The following RAB19 variants were observed in gnomAD, a reference collection of about 807,000 sequenced individuals.
RAB19 encodes the protein ras-related protein Rab-19.
Under a neutral mutation model 17.3 loss-of-function variants are expected in RAB19, and 21 were observed. The observed-to-expected ratio is 1.21, with a 90% confidence interval of 0.86 to 1.74. The LOEUF is 1.74. Among genes scored for constraint, RAB19 ranks in the 40% most tolerant of loss-of-function variants. The pLI, the probability that RAB19 is intolerant of heterozygous loss-of-function variation, is 0.00. For missense variants in RAB19, 277 were observed against 286.8 expected (o/e 0.97, Z 0.25); for synonymous variants, 126 against 110.4 (o/e 1.14, Z -0.88).
At chr7:140,412,593 C>T (rs975279907) in intron 3 of RAB19, among the ~76,000 whole-genome samples, 1 of 151,154 alleles carries the variant, frequency 6.6e-6, no homozygotes, top group Non-Finnish European at 1.5e-5. Context: ...GTCTCGAACT[C>T]CTGGGCTGAA....
At chr7:140,406,346 C>A (rs552261105) in intron 1 of RAB19, among the ~76,000 whole-genome samples, 2 of 150,342 alleles carry the variant, frequency 1.3e-5, no homozygotes, top group Non-Finnish European at 3.0e-5. Context: ...TCATTAGAAA[C>A]CTTAATTTTC....
intron 2 of RAB19, among the ~76,000 whole-genome samples, chr7:140,409,355 C>A (rs1396905606): frequency 6.6e-6 from 1 of 151,500 alleles, no homozygotes; most frequent in African/African-American, 2.4e-5. Context: ...CAGAGTGAGA[C>A]TCTGTCTCAA....
intron 2 of RAB19, among the ~76,000 whole-genome samples, chr7:140,408,634 C>T (rs1228391572): frequency 6.6e-6 from 1 of 152,062 alleles, no homozygotes; most frequent in African/African-American, 2.4e-5. Flanking sequence ...CACCACCACA[C>T]CGGGCTAAGT....
At chr7:140,422,827 G>A (rs567099095) in intron 3 of RAB19, among the ~76,000 whole-genome samples, 25 of 152,190 alleles carry the variant, frequency 1.6e-4, no homozygotes, top group African/African-American at 5.8e-4. Flanking sequence ...ATAAATAAAG[G>A]CCAGGCACCG....
intron 3 of RAB19, among the ~76,000 whole-genome samples, chr7:140,414,326 G>A (rs1251053040): frequency 6.6e-6 from 1 of 152,070 alleles, no homozygotes; most frequent in Non-Finnish European, 1.5e-5. Context: ...ACAGGCATGA[G>A]CCACCACCCC....
rs529487725 is a variant in RAB19 at position 140,426,087 on chromosome 7, C to G, written c.591C>G (p.Pro197=). Residue 197 remains proline, a synonymous_variant, in exon 4 of 4, where the codon CCC becomes CCG. Transcript: ENST00000537763. ...LYGESALNGL[P]LDSSPVLMAQ... ...GGGAGAGTGCCCTGAACGGCCTCCCCCTGGACTCCAGCCCCGTTCTTATGG... is the reference window on the plus strand; with the variant it reads ...GGGAGAGTGCCCTGAACGGCCTCCCGCTGGACTCCAGCCCCGTTCTTATGG... 46 of 1,614,186 alleles carry G rather than the reference C, an allele frequency of 2.8e-5. No individual in the cohort carries two copies. The Admixed American group carries it at 4.3e-4, about 15-fold the overall frequency.
At position 140,424,649 on chromosome 7, in the gene RAB19, GTATA is replaced by G. The variant is rs1229887166; in HGVS notation, c.386-1229_386-1226del. ...TATATATATATATATATGTGTGTGT[GTATA>G]TATGTGTGTGTATATATATATATAT... On this transcript the variant is annotated intron_variant, in intron 3 of 3. Transcript: ENST00000537763. Among the ~76,000 whole-genome samples, 7 of 125,238 alleles carry G rather than the reference GTATA, an allele frequency of 5.6e-5. 1 individual carries two copies. The highest frequency in any genetic ancestry group is 1.8e-4 in the African/African-American group (5 of 27,880). The allele number at this position is 125,238 out of a possible 152,430, so 82.2% of individuals were successfully genotyped here.
At chr7:140,416,787 G>A (rs59583317) in intron 3 of RAB19, among the ~76,000 whole-genome samples, 15,125 of 152,072 alleles carry the variant, frequency 0.099, 1,154 homozygotes, top group East Asian at 0.26. Context: ...GGAAGGAGCA[G>A]GTCATAAAAG....
At chr7:140,415,975 G>T (rs1178503558) in intron 3 of RAB19, among the ~76,000 whole-genome samples, 1 of 152,078 alleles carries the variant, frequency 6.6e-6, no homozygotes, top group East Asian at 1.9e-4. Flanking sequence ...GGAGGCTGAG[G>T]TGGGGGGTTG....
intron 3 of RAB19, among the ~76,000 whole-genome samples, chr7:140,416,233 C>T (rs7799280): frequency 0.32 from 48,125 of 151,570 alleles, 7,912 homozygotes; most frequent in Non-Finnish European, 0.34. Context: ...AAGGCTGAGG[C>T]GGGAGAGTCG....
chr7:140,405,387 A>T (rs1041461328), intron 1 of RAB19, among the ~76,000 whole-genome samples: 1 of 151,774 alleles, frequency 6.6e-6, no homozygotes, highest in South Asian at 2.1e-4. Flanking sequence ...CGCCCGGCTA[A>T]TTTTTTGTAT....
At chr7:140,410,421 G>C (rs1405574601) in intron 2 of RAB19, among the ~76,000 whole-genome samples, 3 of 135,570 alleles carry the variant, frequency 2.2e-5, no homozygotes, top group Non-Finnish European at 4.6e-5. Context: ...CCGCTTCCCG[G>C]GTTCACGCCA....
intron 3 of RAB19, among the ~76,000 whole-genome samples, chr7:140,416,400 G>A (rs1447368157): frequency 1.3e-5 from 2 of 152,150 alleles, no homozygotes; most frequent in Non-Finnish European, 2.9e-5. Flanking sequence ...ACTGTCAAAT[G>A]AATTATCAAG....
intron 2 of RAB19, 24 bp downstream of exon 2, chr7:140,407,871 T>A: frequency 9.0e-7 from 1 of 1,112,938 alleles, no homozygotes; most frequent in Non-Finnish European, 1.3e-6. Context: ...GGGACGGGAC[T>A]GGTTCCACCT....
intron 2 of RAB19, among the ~76,000 whole-genome samples, chr7:140,409,596 C>T (rs1355962374): frequency 6.6e-6 from 1 of 151,894 alleles, no homozygotes; most frequent in African/African-American, 2.4e-5. Context: ...GGTCAGGAGG[C>T]TTGAGGCATG....
chr7:140,407,880 C>CTTTT, intron 2 of RAB19, 33 bp downstream of exon 2: 186 of 637,122 alleles, frequency 2.9e-4, no homozygotes, highest in Middle Eastern at 9.7e-4. Context: ...CTGGTTCCAC[C>CTTTT]TTTTTTTTTT....
intron 3 of RAB19, among the ~76,000 whole-genome samples, chr7:140,419,946 C>T (rs1321570222): frequency 6.6e-6 from 1 of 152,192 alleles, no homozygotes; most frequent in Non-Finnish European, 1.5e-5. Context: ...TTGTGAAATA[C>T]TTTTCAAGTC....
rs1032001596 is a variant in RAB19, at chr7:140,413,914, T to G, written c.385+1857T>G. Among the ~76,000 whole-genome samples, 3 of 152,080 alleles carry G rather than the reference T, an allele frequency of 2.0e-5. No homozygotes were observed. In the East Asian group the frequency reaches 5.8e-4, roughly 29 times the overall value. Reference sequence around the variant, plus strand: ...GGGAATGAAGCAGTTCTAAGCTACATGCGGTTTCCCCAGGAATGTGGACCA... The same window carrying G: ...GGGAATGAAGCAGTTCTAAGCTACAGGCGGTTTCCCCAGGAATGTGGACCA... On this transcript the variant is annotated intron_variant, in intron 3 of 3. Coordinates refer to ENST00000537763, the MANE Select transcript of RAB19 (RefSeq NM_001008749.3).
intron 3 of RAB19, among the ~76,000 whole-genome samples, chr7:140,418,687 G>A (rs1260591524): frequency 1.3e-5 from 2 of 151,400 alleles, no homozygotes; most frequent in Non-Finnish European, 2.9e-5. Context: ...AGGGAGACCC[G>A]ATCTCTACAA....
Sources: gnomAD v4.1 joint callset for allele counts (sites outside exome capture counted in the v4.1 genomes callset) on GRCh38, gnomAD v4.1.1 for gene constraint, MANE v1.5 for transcripts, NCBI Gene and HGNC (gene_info 2026-07-23, HGNC 2026-07-21) for gene names.